ZNF638: variants seen among roughly 807,000 people sequenced by gnomAD.
ZNF638 encodes zinc finger protein 638.
A neutral mutation model predicts 195.6 loss-of-function variants in ZNF638; 46 were observed. That is an observed-to-expected ratio of 0.24 (90% CI 0.19 to 0.30). The LOEUF (loss-of-function observed/expected upper bound fraction) is 0.30. Among genes scored for constraint, ZNF638 ranks in the 10% least tolerant of loss-of-function variants. The pLI, the probability that ZNF638 is intolerant of heterozygous loss-of-function variation, is 1.00. For missense variants in ZNF638, 2,440 were observed against 2,325.3 expected, an observed-to-expected ratio of 1.05 and a Z score of -1.01; for synonymous variants, 845 against 772.0, an observed-to-expected ratio of 1.09 and a Z score of -1.57.
chr2:71,350,462 T>C (rs1481054061), intron 2 of ZNF638, among the ~76,000 whole-genome samples, 191 bp downstream of exon 2: 1 of 152,346 alleles, frequency 6.6e-6, no homozygotes, highest in African/African-American at 2.4e-5. Context: ...TTAGGCTTAC[T>C]GTATTCCTAT....
In ZNF638 at chr2:71,373,538, G is replaced by A. The variant is rs369581879; in HGVS notation, c.2265+3533G>A. Among the ~76,000 whole-genome samples, 11 of 138,356 alleles carry A rather than the reference G, an allele frequency of 8.0e-5. No homozygotes were observed. The South Asian group carries it at 9.2e-4, about 12-fold the overall frequency. 90.8% of individuals were successfully genotyped at this position (138,356 alleles called of 152,430 possible). A position where few individuals can be genotyped will look rare whatever the true frequency, so the allele number is the denominator to read the frequency against. ...CGCCTCACTGCAAGCTCCACCTCCC[G>A]GGTTCACGTCATTCTCCTGCCTCAG... On this transcript the variant is annotated intron_variant, in intron 8 of 27. Transcript: ENST00000264447.
intron 14 of ZNF638, 97 bp downstream of exon 14, chr2:71,400,277 T>C: frequency 9.0e-7 from 1 of 1,110,612 alleles, no homozygotes. Flanking sequence ...TGTCTTTATC[T>C]CTTAATCTGA....
chr2:71,424,768 T>A, intron 23 of ZNF638, 53 bp downstream of exon 23: 29 of 1,391,718 alleles, frequency 2.1e-5, no homozygotes, highest in Non-Finnish European at 2.9e-5. Context: ...CATAGCACAG[T>A]TCATCTATCT....
At chr2:71,404,855 A>C (rs193176525) in intron 17 of ZNF638, among the ~76,000 whole-genome samples, 6 of 152,182 alleles carry the variant, frequency 3.9e-5, no homozygotes, top group Non-Finnish European at 8.8e-5. Flanking sequence ...CAGTGCCTCT[A>C]TGTGACCTAT....
rs774559007 is a variant in ZNF638 at position 71,426,732 on chromosome 2, G to A, written c.4863G>A (p.Val1621=). The A allele has an allele frequency of 2.5e-6, 4 of 1,614,002 alleles. No individual in the cohort carries two copies. The East Asian group carries it at 6.7e-5, about 27-fold the overall frequency. Residue 1621 remains valine (V), a synonymous_variant, in exon 24 of 28, where the codon GTG becomes GTA. Transcript: ENST00000264447. Reference sequence around the variant, plus strand: ...ATCTAGCACAAGCTCTAGTCACTGTGGATGAAGTAATTGATGAAGAAGAAC... The same window carrying A: ...ATCTAGCACAAGCTCTAGTCACTGTAGATGAAGTAATTGATGAAGAAGAAC... ...AAHLAQALVT[V]DEVIDEEELN... is the part of the protein sequence containing the mutation.
intron 2 of ZNF638, 21 bp downstream of exon 2, chr2:71,350,292 A>G: frequency 2.5e-6 from 4 of 1,592,284 alleles, no homozygotes; most frequent in Non-Finnish European, 3.4e-6. Context: ...TTAAAAAAAG[A>G]TCACTGTATA....
At chr2:71,431,213 G>C in intron 25 of ZNF638, 114 bp from the exon 26 acceptor site, 1 of 790,940 alleles carries the variant, frequency 1.3e-6, no homozygotes, top group South Asian at 1.8e-5. Context: ...GGCCAGATGG[G>C]ATTAACAAAG....
chr2:71,358,245 A>G (rs2079055561), intron 3 of ZNF638, among the ~76,000 whole-genome samples: 1 of 152,254 alleles, frequency 6.6e-6, no homozygotes, highest in Admixed American at 6.5e-5. Context: ...TTTCATCTCA[A>G]GAATTTTAGT....
intron 26 of ZNF638, among the ~76,000 whole-genome samples, chr2:71,432,209 A>G (rs2152610160): frequency 6.6e-6 from 1 of 151,932 alleles, no homozygotes; most frequent in African/African-American, 2.4e-5. Flanking sequence ...TTTTTATTAT[A>G]TTTTATTTTG....
chr2:71,366,175 C>T (rs766636408), intron 6 of ZNF638, among the ~76,000 whole-genome samples: 2 of 152,130 alleles, frequency 1.3e-5, no homozygotes, highest in African/African-American at 4.8e-5. Context: ...CGTGGTGGAA[C>T]TCCCTCTCTA....
chr2:71,428,416 T>A (rs2080583966), intron 24 of ZNF638, 131 bp from the exon 25 acceptor site: 1 of 599,266 alleles, frequency 1.7e-6, no homozygotes. Context: ...ATATTAGCAG[T>A]AGGCTTCCCT....
At chr2:71,432,564 CAGTTCT>C (rs1191595261) in intron 26 of ZNF638, among the ~76,000 whole-genome samples, 1 of 152,184 alleles carries the variant, frequency 6.6e-6, no homozygotes, top group African/African-American at 2.4e-5. Context: ...GATTATTGAA[CAGTTCT>C]TTGTTATCCG....
chr2:71,337,469 A>G (rs2078689670), intron 1 of ZNF638, among the ~76,000 whole-genome samples: 1 of 152,136 alleles, frequency 6.6e-6, no homozygotes, highest in Non-Finnish European at 1.5e-5. Context: ...GCTGGAGTCC[A>G]GTGAGTGATC....
chr2:71,368,457 G>C lies in ZNF638; in HGVS notation c.2071G>C (p.Glu691Gln). ...TELPEDGCTE[E>Q]DVRKLFQPFG... ...ATTACCAGAGGATGGTTGTACTGAA[G>C]AAGATGTGAGAAAATTATTTCAACC... Residue 691 changes from glutamate to glutamine, a missense_variant, in exon 7 of 28, where the codon GAA becomes CAA. Physicochemically the swap from Glu to Gln is conservative, Grantham distance 29. Coordinates refer to ENST00000264447, the MANE Select transcript of ZNF638 (RefSeq NM_014497.5). 1.2e-6 allele frequency: 2 copies of C among 1,613,588 alleles called. No homozygotes were observed. Among genetic ancestry groups the C allele is most frequent in the South Asian group, 1.1e-5 (1 of 91,054 alleles).
intron 10 of ZNF638, among the ~76,000 whole-genome samples, chr2:71,384,677 T>G (rs1367910083): frequency 6.7e-6 from 1 of 150,060 alleles, no homozygotes; most frequent in Non-Finnish European, 1.5e-5. Context: ...TGAAACTTCC[T>G]TGATCGAATG....
chr2:71,331,958 C>G, intron 1 of ZNF638, 83 bp downstream of exon 1: 1 of 980,388 alleles, frequency 1.0e-6, no homozygotes, highest in South Asian at 4.7e-5. Context: ...CCTGTGAGAT[C>G]CGGGCCGACT....
At chr2:71,403,507 T>G (rs1027174975) in intron 16 of ZNF638, among the ~76,000 whole-genome samples, 3 of 152,184 alleles carry the variant, frequency 2.0e-5, no homozygotes, top group African/African-American at 7.2e-5. Flanking sequence ...ATTTATTTAC[T>G]CAAGAAATAC....
Position 71,423,052 on chromosome 2 carries a change from C to T in ZNF638, c.3538C>T (p.Leu1180Phe), listed in dbSNP as rs754067316. ...AGAGGAGGTCAAAGAAGAAATTCCT[C>T]TTGTAGCATCCGCTTCAGTCAGTAT... ...QGEEVKEEIP[L>F]VASASVSIEQ... Residue 1180 changes from leucine (L) to phenylalanine (F), a missense_variant, in exon 22 of 28, where the codon CTT becomes TTT. Coordinates refer to ENST00000264447, the MANE Select transcript of ZNF638 (RefSeq NM_014497.5). 7.4e-6 allele frequency: 12 copies of T among 1,614,140 alleles called. No homozygotes were observed. In the East Asian group the frequency reaches 2.7e-4, roughly 36 times the overall value.
intron 26 of ZNF638, 148 bp downstream of exon 26, chr2:71,431,576 G>A (rs1251463559): frequency 7.9e-6 from 5 of 631,018 alleles, no homozygotes; most frequent in African/African-American, 5.7e-5. Context: ...TGGCTAACAC[G>A]GTGAAACCCC....
Sources: allele counts gnomAD v4.1 joint callset (sites outside exome capture counted in the v4.1 genomes callset), GRCh38; gene constraint gnomAD v4.1.1; transcripts MANE v1.5; gene names NCBI Gene and HGNC (gene_info 2026-07-23, HGNC 2026-07-21).